The following ANKIB1 variants were observed in gnomAD, a reference collection of about 807,000 sequenced individuals.
The protein encoded by ANKIB1 is ankyrin repeat and IBR domain containing 1.
ANKIB1 carries 43 observed loss-of-function variants against 122.1 expected under a neutral mutation model. That is an observed-to-expected ratio of 0.35 (90% CI 0.28 to 0.45). The LOEUF (loss-of-function observed/expected upper bound fraction) is 0.45, where lower values mean the gene tolerates loss of function less well. Among genes scored for constraint, ANKIB1 ranks in the 20% least tolerant of loss-of-function variants. The probability of loss-of-function intolerance (pLI) is 1.00; values close to 1 mark genes in which losing one functional copy is unlikely to be tolerated. For missense variants in ANKIB1, 992 were observed against 1,329.5 expected (o/e 0.75, Z 3.95); for synonymous variants, 390 against 442.0 (o/e 0.88, Z 1.48).
At chr7:92,393,786 C>T (rs1804833319) in intron 17 of ANKIB1, among the ~76,000 whole-genome samples, 1 of 151,988 alleles carries the variant, frequency 6.6e-6, no homozygotes, top group Non-Finnish European at 1.5e-5. Context: ...TTACGTAAAC[C>T]TTATTGCAGA....
chr7:92,352,018 AC>A (rs1260399317), intron 8 of ANKIB1, among the ~76,000 whole-genome samples: 2 of 150,256 alleles, frequency 1.3e-5, no homozygotes, highest in African/African-American at 4.9e-5. Flanking sequence ...ACTGTGCCCA[AC>A]CCCCCTCTTT....
chr7:92,249,674 C>T (rs746115971), intron 1 of ANKIB1, among the ~76,000 whole-genome samples: 1 of 151,604 alleles, frequency 6.6e-6, no homozygotes, highest in African/African-American at 2.4e-5. Flanking sequence ...GAGCTGAGAT[C>T]GCACCATTGC....
chr7:92,286,729 G>C (rs1585088900), intron 1 of ANKIB1, among the ~76,000 whole-genome samples: 1 of 152,140 alleles, frequency 6.6e-6, no homozygotes, highest in African/African-American at 2.4e-5. Context: ...GCCTGCCTCA[G>C]CCTCCCAAAG....
At chr7:92,264,751 C>T (rs1801636151) in intron 1 of ANKIB1, among the ~76,000 whole-genome samples, 1 of 151,986 alleles carries the variant, frequency 6.6e-6, no homozygotes, top group Admixed American at 6.6e-5. Context: ...TTTAATGTGC[C>T]AAAATGCTAG....
chr7:92,325,050 G>A (rs187036905), intron 4 of ANKIB1, among the ~76,000 whole-genome samples: 2 of 152,310 alleles, frequency 1.3e-5, no homozygotes, highest in Admixed American at 6.5e-5. Flanking sequence ...TAGGAAGAGT[G>A]TGTGTTCAAT....
At chr7:92,327,743 G>A in intron 4 of ANKIB1, 40 bp from the exon 5 acceptor site, 3 of 1,111,476 alleles carry the variant, frequency 2.7e-6, no homozygotes, top group Non-Finnish European at 3.8e-6. Flanking sequence ...CTTCCTATGA[G>A]TATAATGCCC....
intron 2 of ANKIB1, among the ~76,000 whole-genome samples, chr7:92,304,353 ACT>A (rs1320930791): frequency 6.6e-6 from 1 of 152,098 alleles, no homozygotes; most frequent in Non-Finnish European, 1.5e-5. Flanking sequence ...AGAATAATAC[ACT>A]CTCTGTGTTT....
intron 3 of ANKIB1, among the ~76,000 whole-genome samples, chr7:92,315,226 G>C (rs1802772122): frequency 6.6e-6 from 1 of 152,182 alleles, no homozygotes; most frequent in African/African-American, 2.4e-5. Context: ...AGAAAGTAAG[G>C]TGAAATGGAG....
intron 17 of ANKIB1, 192 bp from the exon 18 acceptor site, chr7:92,396,167 ACTGTTG>A: frequency 1.8e-6 from 1 of 558,486 alleles, no homozygotes; most frequent in African/African-American, 1.9e-5. Context: ...AATTGTAATG[ACTGTTG>A]AAAACTTTCT....
chr7:92,272,011 C>G (rs1801806876), intron 1 of ANKIB1, among the ~76,000 whole-genome samples: 2 of 151,974 alleles, frequency 1.3e-5, no homozygotes, highest in South Asian at 2.1e-4. Flanking sequence ...ATGGTAGTTA[C>G]TAGGGGAAGG....
intron 1 of ANKIB1, among the ~76,000 whole-genome samples, chr7:92,246,882 TAG>T (rs956700035): frequency 3.9e-5 from 6 of 152,146 alleles, no homozygotes; most frequent in African/African-American, 1.4e-4. Context: ...CCTCGGGGGC[TAG>T]AGAGAGTCTT....
In ANKIB1 at chr7:92,304,988, A is replaced by C. The variant is rs144401696; in HGVS notation, c.189-2371A>C. On this transcript the variant is annotated intron_variant, in intron 2 of 19. Transcript: ENST00000265742. Reference sequence around the variant, plus strand: ...AGGGAAATTCTATTCTTATATTTCCACTTAGTTATAACACTCGTGGATAGA... The same window carrying C: ...AGGGAAATTCTATTCTTATATTTCCCCTTAGTTATAACACTCGTGGATAGA... Among the ~76,000 whole-genome samples the C allele has an allele frequency of 2.9e-3, 442 of 152,308 alleles. 2 individuals carry two copies. Among genetic ancestry groups the C allele is most frequent in the African/African-American group, 0.01 (418 of 41,580 alleles).
chr7:92,307,713 G>A, intron 3 of ANKIB1, 57 bp downstream of exon 3: 1 of 1,239,192 alleles, frequency 8.1e-7, no homozygotes, highest in Non-Finnish European at 1.0e-6. Flanking sequence ...CAGGTGATAT[G>A]TAACTGTCAG....
At chr7:92,334,762 T>C (rs1386286599) in intron 5 of ANKIB1, among the ~76,000 whole-genome samples, 5 of 151,966 alleles carry the variant, frequency 3.3e-5, no homozygotes, top group Admixed American at 2.6e-4. Flanking sequence ...AATTAATGCA[T>C]GATATAAAGC....
intron 9 of ANKIB1, among the ~76,000 whole-genome samples, chr7:92,354,861 A>T (rs954564997): frequency 6.6e-6 from 1 of 152,246 alleles, no homozygotes; most frequent in African/African-American, 2.4e-5. Flanking sequence ...TTCACAAATT[A>T]AACGCAAATG....
chr7:92,399,971 GATT>G lies in ANKIB1; in HGVS notation c.*1027_*1029del, dbSNP rs1387406318. 1 of 152,056 alleles carries G rather than the reference GATT, an allele frequency of 6.6e-6. No homozygotes were observed. Among genetic ancestry groups the G allele is most frequent in the South Asian group, 2.1e-4 (1 of 4,826 alleles). The allele number at this position is 152,056 out of a possible 1,614,324, so 9.4% of individuals were successfully genotyped here. ...TTTCATGAGTTATAGTAAATCCCAC[GATT>G]ATTAAGAAATTCAGTAAAACATCCT... On this transcript the variant is annotated 3_prime_UTR_variant, in exon 20 of 20. Coordinates refer to ENST00000265742, the MANE Select transcript of ANKIB1 (RefSeq NM_019004.2).
chr7:92,340,580 TAAATCTAAGGACAGAGAA>T (rs557491870), intron 5 of ANKIB1, among the ~76,000 whole-genome samples: 598 of 152,272 alleles, frequency 3.9e-3, no homozygotes, highest in Non-Finnish European at 5.8e-3. Context: ...GACTTACATG[TAAATCTAAGGACAGAGAA>T]AAACCTCTGA....
In ANKIB1 at chr7:92,396,453, A is replaced by G. The variant is rs1442778451; in HGVS notation, c.2372A>G (p.Asp791Gly). The G allele has an allele frequency of 1.1e-5, 18 of 1,586,746 alleles. No homozygotes were observed. The highest frequency in any genetic ancestry group is 1.5e-5 in the Non-Finnish European group (17 of 1,164,332). ...HSLLSNPPDP[D>G]EPSESTLDIP... Reference sequence around the variant, plus strand: ...CTACTCAGTAATCCTCCAGACCCTGATGAGCCAAGTGAAAGCACTTTAGGT... The same window carrying G: ...CTACTCAGTAATCCTCCAGACCCTGGTGAGCCAAGTGAAAGCACTTTAGGT... The change falls in exon 18 of 20, where the codon GAT (aspartate) becomes GGT (glycine). Residue 791 changes from aspartate to glycine, a missense_variant. Physicochemically the swap from Asp to Gly is moderately conservative, Grantham distance 94. Transcript: ENST00000265742.
chr7:92,354,855 C>G (rs1175769016), intron 9 of ANKIB1, among the ~76,000 whole-genome samples: 1 of 152,058 alleles, frequency 6.6e-6, no homozygotes, highest in Non-Finnish European at 1.5e-5. Flanking sequence ...GAGATCTTCA[C>G]AAATTAAACG....
Sources: gnomAD v4.1 joint callset for allele counts (sites outside exome capture counted in the v4.1 genomes callset) on GRCh38, gnomAD v4.1.1 for gene constraint, MANE v1.5 for transcripts, NCBI Gene and HGNC (gene_info 2026-07-23, HGNC 2026-07-21) for gene names.